Variants in DCX observed in about 807,000 individuals in gnomAD.
DCX encodes doublecortin.
In DCX, 4 loss-of-function variants were observed where a neutral mutation model predicts 20.9. The ratio of observed to expected loss-of-function variants is 0.19; its 90% CI spans 0.09 to 0.44. The LOEUF is 0.44. Among genes scored for constraint, DCX ranks in the 20% least tolerant of loss-of-function variants. DCX has a pLI of 0.99. For missense variants in DCX, 133 were observed against 296.9 expected (o/e 0.45, Z 4.06); for synonymous variants, 103 against 111.4 (o/e 0.92, Z 0.47).
chrX:111,336,984 A>G (rs1426924137), intron 3 of DCX, among the ~76,000 whole-genome samples: 1 of 111,802 alleles, frequency 8.9e-6, no homozygotes, highest in Non-Finnish European at 1.9e-5. Flanking sequence ...GAGGAGAAGA[A>G]GAATGGAATA....
At chrX:111,319,067 T>C (rs1335871099) in intron 5 of DCX, among the ~76,000 whole-genome samples, 6 of 112,259 alleles carry the variant, frequency 5.3e-5, no homozygotes, top group Non-Finnish European at 1.9e-5. Flanking sequence ...GCAGAGAGTT[T>C]CAGGAGATGA....
chrX:111,328,129 C>T (rs1466508263), intron 5 of DCX, among the ~76,000 whole-genome samples: 1 of 111,995 alleles, frequency 8.9e-6, no homozygotes, highest in Non-Finnish European at 1.9e-5. Flanking sequence ...CTGCTATCTG[C>T]CAAGCAAATT....
At chrX:111,359,667 A>G (rs1184458279) in intron 3 of DCX, among the ~76,000 whole-genome samples, 4 of 112,433 alleles carry the variant, frequency 3.6e-5, no homozygotes, top group Non-Finnish European at 7.5e-5. Context: ...ATACATTTTT[A>G]AAAAGAACAA....
intron 3 of DCX, among the ~76,000 whole-genome samples, chrX:111,344,133 A>G (rs1357267833): frequency 1.8e-5 from 2 of 112,418 alleles, no homozygotes. Flanking sequence ...AACCAAAGAC[A>G]AAAACCACAT....
chrX:111,353,580 TG>T (rs1163489741), intron 3 of DCX, among the ~76,000 whole-genome samples: 2 of 111,849 alleles, frequency 1.8e-5, no homozygotes, highest in African/African-American at 6.5e-5. Flanking sequence ...TTCACATTCC[TG>T]GCATAGTAGT....
At chrX:111,393,377 T>C (rs1927093580) in intron 3 of DCX, among the ~76,000 whole-genome samples, 1 of 111,679 alleles carries the variant, frequency 9.0e-6, no homozygotes, top group Non-Finnish European at 1.9e-5. Flanking sequence ...ATAAAACTTC[T>C]AAAAGAACAC....
At chrX:111,385,800 GGAAGGAA>G (rs1926438637) in intron 3 of DCX, among the ~76,000 whole-genome samples, 1 of 83,653 alleles carries the variant, frequency 1.2e-5, no homozygotes, top group Non-Finnish European at 2.3e-5. Context: ...AAGGAAGGAA[GGAAGGAA>G]GGAAGGAAGG....
chrX:111,359,758 C>T (rs774164061), intron 3 of DCX, among the ~76,000 whole-genome samples: 11 of 111,827 alleles, frequency 9.8e-5, no homozygotes, highest in African/African-American at 2.6e-4. Context: ...AAATTATGCT[C>T]ACTCAACTTT....
chrX:111,369,227 T>C (rs951772541), intron 3 of DCX, among the ~76,000 whole-genome samples: 2 of 110,842 alleles, frequency 1.8e-5, no homozygotes, highest in African/African-American at 3.3e-5. Context: ...CTGACTCAAA[T>C]GTTAATCTCC....
intron 5 of DCX, among the ~76,000 whole-genome samples, chrX:111,330,389 T>A (rs899488584): frequency 1.8e-5 from 2 of 112,168 alleles, no homozygotes; most frequent in African/African-American, 3.2e-5. Context: ...TTTCCGGTTG[T>A]GAGGTTTATA....
In DCX at chrX:111,400,889, T is replaced by C. The variant is rs1244220880; in HGVS notation, c.705+101A>G. ...ATAATATCAGGTTGTGATGATGAGA[T>C]GTGGAGGAAGAGTCCGTCAACAAGA... On this transcript the variant is annotated intron_variant, in intron 3 of 6. Transcript: ENST00000636035. The C allele has an allele frequency of 4.0e-6, 3 of 757,285 alleles. No homozygotes were observed. In the Admixed American group the frequency reaches 6.9e-5, roughly 17 times the overall value. The allele number at this position is 757,285 out of a possible 1,213,427, so 62.4% of individuals were successfully genotyped here.
chrX:111,357,362 G>A (rs1337448042), intron 3 of DCX, among the ~76,000 whole-genome samples: 1 of 112,006 alleles, frequency 8.9e-6, no homozygotes, highest in East Asian at 2.8e-4. Flanking sequence ...ATGTTCTTTG[G>A]TTCCTTAGGA....
At chrX:111,304,531 T>C (rs1420728757) in intron 6 of DCX, among the ~76,000 whole-genome samples, 3 of 111,592 alleles carry the variant, frequency 2.7e-5, no homozygotes, top group Admixed American at 9.5e-5. Context: ...GAGGACACAA[T>C]TGGGGGTTTG....
intron 3 of DCX, among the ~76,000 whole-genome samples, chrX:111,341,808 T>C (rs1438241293): frequency 6.3e-5 from 7 of 111,063 alleles, no homozygotes; most frequent in Non-Finnish European, 1.3e-4. Flanking sequence ...TAAAATCATT[T>C]CCAGACAAAC....
intron 3 of DCX, among the ~76,000 whole-genome samples, chrX:111,374,261 G>A (rs1003123580): frequency 1.8e-5 from 2 of 111,850 alleles, no homozygotes; most frequent in African/African-American, 6.5e-5. Context: ...TTATGGTTGG[G>A]CTATTCCCTT....
At chrX:111,371,705 GA>G (rs1925095480) in intron 3 of DCX, among the ~76,000 whole-genome samples, 1 of 110,595 alleles carries the variant, frequency 9.0e-6, no homozygotes, top group South Asian at 3.9e-4. Context: ...ATGACAGATA[GA>G]AAAAATAGGC....
In DCX at chrX:111,297,326, C is replaced by T. The variant is rs910157397; in HGVS notation, c.*4361G>A. The T allele has an allele frequency of 2.7e-5, 3 of 111,688 alleles. No individual in the cohort carries two copies. The highest frequency in any genetic ancestry group is 9.5e-5 in the Admixed American group (1 of 10,573). The allele number at this position is 111,688 out of a possible 1,213,427, so 9.2% of individuals were successfully genotyped here. A position where few individuals can be genotyped will look rare whatever the true frequency, so the allele number is the denominator to read the frequency against. On this transcript the variant is annotated 3_prime_UTR_variant, in exon 7 of 7. Transcript: ENST00000636035. ...GATCATTCCCATCAGTGTCCTGGAG[C>T]TCATTTTGGGGATATAGGCATCCTG...
intron 5 of DCX, among the ~76,000 whole-genome samples, chrX:111,316,092 A>AT (rs1556369834): frequency 0.015 from 1,480 of 96,239 alleles, 72 homozygotes; most frequent in African/African-American, 0.061. Flanking sequence ...AAAATAAAAA[A>AT]AAAAAAAAAA....
chrX:111,313,982 T>C (rs1456683158), intron 5 of DCX, among the ~76,000 whole-genome samples: 1 of 110,955 alleles, frequency 9.0e-6, no homozygotes, highest in Non-Finnish European at 1.9e-5. Context: ...CCTGATAGTG[T>C]TCCTGTCAGT....
Sources: allele counts gnomAD v4.1 joint callset (sites outside exome capture counted in the v4.1 genomes callset), GRCh38; gene constraint gnomAD v4.1.1; transcripts MANE v1.5; gene names NCBI Gene and HGNC (gene_info 2026-07-23, HGNC 2026-07-21).